The following KAT6B variants were observed in gnomAD, a reference collection of about 807,000 sequenced individuals.
KAT6B encodes histone acetyltransferase KAT6B.
Under a neutral mutation model 187.5 loss-of-function variants are expected in KAT6B, and 10 were observed. The observed-to-expected ratio is 0.05, with a 90% CI of 0.03 to 0.09. KAT6B has a LOEUF of 0.09. Among genes scored for constraint, KAT6B ranks in the 10% least tolerant of loss-of-function variants. KAT6B has a pLI of 1.00. For missense variants in KAT6B, 1,952 were observed against 2,558.9 expected, an observed-to-expected ratio of 0.76 and a Z score of 5.12; for synonymous variants, 861 against 926.8, an observed-to-expected ratio of 0.93 and a Z score of 1.29.
At chr10:74,961,289 C>G (rs565829907) in intron 4 of KAT6B, among the ~76,000 whole-genome samples, 1 of 152,124 alleles carries the variant, frequency 6.6e-6, no homozygotes, top group Non-Finnish European at 1.5e-5. Flanking sequence ...CTGACTCTGT[C>G]GTTATCTTTT....
chr10:74,833,251 A>G (rs140846300), intron 1 of KAT6B, among the ~76,000 whole-genome samples: 11 of 152,276 alleles, frequency 7.2e-5, no homozygotes, highest in Admixed American at 5.2e-4. Context: ...CTAGGATTGA[A>G]TAGGAATTTT....
At position 75,029,198 on chromosome 10, in the gene KAT6B, T is replaced by A; in HGVS notation, c.4374T>A (p.Thr1458=). Residue 1458 remains threonine (T), a synonymous_variant, in exon 18 of 18, where the codon ACT becomes ACA. Coordinates refer to ENST00000287239, the MANE Select transcript of KAT6B (RefSeq NM_012330.4). The surrounding 1 kb of genome is among the most constrained non-coding windows in gnomAD (Gnocchi z 6.2). ...AAGAAGTACTGGAAAACCAGGAGAC[T>A]TTTTTAGACCTTAATGTGCAGCCTG... ...SFKEVLENQE[T]FLDLNVQPGH... 6.2e-7 allele frequency: 1 copy of A among 1,614,096 alleles called. No individual in the cohort carries two copies. Among genetic ancestry groups the A allele is most frequent in the Non-Finnish European group, 8.5e-7 (1 of 1,180,022 alleles).
intron 3 of KAT6B, among the ~76,000 whole-genome samples, chr10:74,946,352 T>C (rs988568177): frequency 1.3e-5 from 2 of 152,208 alleles, no homozygotes; most frequent in Non-Finnish European, 2.9e-5. Flanking sequence ...TCTAATGAAG[T>C]TAAACATATA....
At chr10:74,988,404 C>A (rs1842941960) in intron 12 of KAT6B, among the ~76,000 whole-genome samples, 1 of 152,168 alleles carries the variant, frequency 6.6e-6, no homozygotes, top group African/African-American at 2.4e-5. Flanking sequence ...TGTTTGGAGG[C>A]TTTAGGGTTT....
At chr10:75,025,392 C>G in intron 17 of KAT6B, 143 bp downstream of exon 17, 1 of 743,760 alleles carries the variant, frequency 1.3e-6, no homozygotes, top group Non-Finnish European at 2.3e-6. Context: ...TCTGCCCTTT[C>G]CCATCCTTAC....
chr10:75,020,675 G>A lies in KAT6B; in HGVS notation c.2723G>A (p.Ser908Asn), dbSNP rs1845329552. The A allele has an allele frequency of 4.3e-6, 7 of 1,614,116 alleles. No homozygotes were observed. Among genetic ancestry groups the A allele is most frequent in the Non-Finnish European group, 5.1e-6 (6 of 1,180,046 alleles). Reference protein sequence around the residue: ...GRLSYLAYWKSVILEYLYHHH... With the variant: ...GRLSYLAYWKNVILEYLYHHH... ...CTCTCCTACCTGGCATATTGGAAGA[G>A]CGTCATCTTGGAGTATCTCTACCAC... Residue 908 changes from serine to asparagine, a missense_variant, in exon 14 of 18, where the codon AGC becomes AAC. By Grantham distance (46) the Ser-to-Asn change is conservative. Around this residue, in one of 9 missense-constraint regions of KAT6B, gnomAD observed 758 missense variants for 891.4 expected, o/e 0.85. Transcript: ENST00000287239.
chr10:75,020,544 C>T lies in KAT6B; in HGVS notation c.2630-38C>T, dbSNP rs11001246. ...GCTCCTGTTCTAAGCTCTGGGAATGCCACAGTGAGGAATGCCCATTTATTT... is the reference window on the plus strand; with the variant it reads ...GCTCCTGTTCTAAGCTCTGGGAATGTCACAGTGAGGAATGCCCATTTATTT... On this transcript the variant is annotated intron_variant, in intron 13 of 17. Transcript: ENST00000287239. 0.042 allele frequency: 59,152 copies of T among 1,421,902 alleles called. 3,289 individuals are homozygous for T. The highest frequency in any genetic ancestry group is 0.23 in the South Asian group (20,076 of 86,986). 88.1% of individuals were successfully genotyped at this position (1,421,902 alleles called of 1,614,324 possible).
chr10:74,898,312 G>C (rs1846126852), intron 3 of KAT6B, among the ~76,000 whole-genome samples: 1 of 152,294 alleles, frequency 6.6e-6, no homozygotes, highest in Admixed American at 6.5e-5. Context: ...GCACAAGTTA[G>C]GAGTAGCCTT....
In KAT6B at chr10:75,030,973, C is replaced by T. The variant is rs1165451072; in HGVS notation, c.6149C>T (p.Ala2050Val). 3.1e-6 allele frequency: 5 copies of T among 1,613,972 alleles called. No homozygotes were observed. The highest frequency in any genetic ancestry group is 1.6e-4 in the Middle Eastern group (1 of 6,084). Residue 2050 changes from alanine (A) to valine (V), a missense_variant, in exon 18 of 18, where the codon GCC (alanine) becomes GTC (valine). Physicochemically the swap from Ala to Val is moderately conservative, Grantham distance 64. Coordinates refer to ENST00000287239, the MANE Select transcript of KAT6B (RefSeq NM_012330.4). This position sits in a 1 kb window ranked among gnomAD's most constrained non-coding sequence, Gnocchi z 4.8. Reference protein sequence around the residue: ...TPPHGNMMYTAPGHHGYMNTG... With the variant: ...TPPHGNMMYTVPGHHGYMNTG... ...CCCCACGGTAACATGATGTACACGG[C>T]CCCCGGACATCACGGCTACATGAAC...
At chr10:74,855,309 A>T (rs1294284564) in intron 3 of KAT6B, among the ~76,000 whole-genome samples, 1 of 152,214 alleles carries the variant, frequency 6.6e-6, no homozygotes, top group African/African-American at 2.4e-5. Flanking sequence ...TGTTTCTGTT[A>T]GTAGTTTCTG....
rs1017640052 is a variant in KAT6B at position 74,999,174 on chromosome 10, G to T, written c.2629+10062G>T. 2.0e-5 allele frequency among the ~76,000 whole-genome samples: 3 copies of T among 152,232 alleles called. No homozygotes were observed. The East Asian group carries it at 5.8e-4, about 29-fold the overall frequency. On this transcript the variant is annotated intron_variant, in intron 13 of 17. Coordinates refer to ENST00000287239, the MANE Select transcript of KAT6B (RefSeq NM_012330.4). ...AGTGAGGATGCATGGAAAAGAGGCA[G>T]GTCCTGTTCGTTCCGTAGCAGGAGC... is the stretch of plus-strand genomic sequence containing the variant.
chr10:74,903,791 T>C (rs1488536552), intron 3 of KAT6B, among the ~76,000 whole-genome samples: 1 of 152,246 alleles, frequency 6.6e-6, no homozygotes, highest in Non-Finnish European at 1.5e-5. Flanking sequence ...AGGGTCTGGC[T>C]AATTCTTAGC....
rs1348250469 is a variant in KAT6B at position 75,030,407 on chromosome 10, T to C, written c.5583T>C (p.Leu1861=). 6.2e-7 allele frequency: 1 copy of C among 1,614,186 alleles called. No homozygotes were observed. The highest frequency in any genetic ancestry group is 8.5e-7 in the Non-Finnish European group (1 of 1,180,030). ...TAAGTAACACAGGGCTTGTTCAACT[T>C]TCTCAGTCTCCACACTCCGTCCCTG... ...TPLSNTGLVQ[L]SQSPHSVPGG... The change falls in exon 18 of 18, where the codon CTT becomes CTC. Residue 1861 remains leucine, a synonymous_variant. Transcript: ENST00000287239. The surrounding 1 kb of genome is among the most constrained non-coding windows in gnomAD (Gnocchi z 4.8).
At chr10:74,847,610 G>T (rs1221232180) in intron 3 of KAT6B, among the ~76,000 whole-genome samples, 1 of 151,956 alleles carries the variant, frequency 6.6e-6, no homozygotes, top group Non-Finnish European at 1.5e-5. Flanking sequence ...ATTGCAGTGA[G>T]CCGAGATTGC....
At chr10:74,865,792 C>G (rs1173397994) in intron 3 of KAT6B, among the ~76,000 whole-genome samples, 3 of 152,184 alleles carry the variant, frequency 2.0e-5, no homozygotes, top group African/African-American at 7.2e-5. Context: ...GCTGGGTTTA[C>G]AGGCATGAGC....
intron 3 of KAT6B, among the ~76,000 whole-genome samples, chr10:74,886,606 T>A (rs192146141): frequency 6.6e-6 from 1 of 152,200 alleles, no homozygotes; most frequent in African/African-American, 2.4e-5. Context: ...GGTGTTATAG[T>A]TGGCTGATGC....
At chr10:74,851,403 G>A (rs1489031288) in intron 3 of KAT6B, among the ~76,000 whole-genome samples, 2 of 150,038 alleles carry the variant, frequency 1.3e-5, no homozygotes, top group Non-Finnish European at 3.0e-5. Flanking sequence ...GCGCGATCTC[G>A]GCTCACTACA....
intron 3 of KAT6B, among the ~76,000 whole-genome samples, chr10:74,847,083 T>A (rs1842161882): frequency 6.6e-6 from 1 of 152,220 alleles, no homozygotes; most frequent in South Asian, 2.1e-4. Flanking sequence ...CAGAAGTATT[T>A]TTAGTCTAAA....
At chr10:75,026,203 T>C (rs1360802831) in intron 17 of KAT6B, 1 of 151,610 alleles carries the variant, frequency 6.6e-6, no homozygotes, top group African/African-American at 2.4e-5. Flanking sequence ...ATATTAGCTT[T>C]GATAATATTG....
Sources: allele counts gnomAD v4.1 joint callset (sites outside exome capture counted in the v4.1 genomes callset), GRCh38; gene constraint gnomAD v4.1.1; regional missense constraint gnomAD v4.1.1; non-coding constraint Gnocchi (gnomAD v3.1); transcripts MANE v1.5; gene names NCBI Gene and HGNC (gene_info 2026-07-23, HGNC 2026-07-21).